The following MAP3K4 variants were observed in gnomAD, a reference collection of about 807,000 sequenced individuals.
MAP3K4 encodes the protein mitogen-activated protein kinase kinase kinase 4, also known as MAP three kinase 1.
MAP3K4 carries 67 observed loss-of-function variants against 185.6 expected under a neutral mutation model. The ratio of observed to expected loss-of-function variants is 0.36; its 90% confidence interval spans 0.30 to 0.44. The LOEUF (loss-of-function observed/expected upper bound fraction) is 0.44. Ranked by LOEUF, MAP3K4 falls within the 20% of genes least tolerant of loss-of-function variation. The probability of loss-of-function intolerance (pLI) is 1.00; values close to 1 mark genes in which losing one functional copy is unlikely to be tolerated. For missense variants in MAP3K4, 1,551 were observed against 1,995.1 expected, an observed-to-expected ratio of 0.78 and a Z score of 4.24; for synonymous variants, 702 against 710.4, an observed-to-expected ratio of 0.99 and a Z score of 0.19.
chr6:161,073,743 T>C lies in MAP3K4; in HGVS notation c.2097+131T>C. ...GATAAACTTCTCTAGTAATGAATTATAGAAATGATCCCTGAAAGTATAGCT... is the reference window on the plus strand; with the variant it reads ...GATAAACTTCTCTAGTAATGAATTACAGAAATGATCCCTGAAAGTATAGCT... On this transcript the variant is annotated intron_variant, in intron 5 of 26. Coordinates refer to ENST00000392142, the MANE Select transcript of MAP3K4 (RefSeq NM_005922.4). The surrounding 1 kb of genome is among the most constrained non-coding windows in gnomAD (Gnocchi z 4.2). 2.2e-6 allele frequency: 2 copies of C among 919,168 alleles called. No homozygotes were observed. The highest frequency in any genetic ancestry group is 3.1e-6 in the Non-Finnish European group (2 of 637,682). The allele number at this position is 919,168 out of a possible 1,614,324, so 56.9% of individuals were successfully genotyped here.
chr6:161,080,132 C>T lies in MAP3K4; in HGVS notation c.2098-749C>T, dbSNP rs776351578. On this transcript the variant is annotated intron_variant, in intron 5 of 26. Transcript: ENST00000392142. This position sits in a 1 kb window ranked among gnomAD's most constrained non-coding sequence, Gnocchi z 4.8. The stretch of plus-strand genomic sequence containing the variant: ...GAGTGGAGTGATGTCTGAAAAGTTC[C>T]GAGAGAGAATGTGTGACTCAAATAT... Among the ~76,000 whole-genome samples the T allele has an allele frequency of 2.0e-5, 3 of 152,030 alleles. No individual in the cohort carries two copies. The highest frequency in any genetic ancestry group is 4.4e-5 in the Non-Finnish European group (3 of 68,020).
At chr6:161,041,124 T>C (rs1783430394) in intron 2 of MAP3K4, among the ~76,000 whole-genome samples, 1 of 152,192 alleles carries the variant, frequency 6.6e-6, no homozygotes, top group African/African-American at 2.4e-5. Flanking sequence ...ACTGCTGCCC[T>C]GGAAGGAGGG....
rs1194616476 is a variant in MAP3K4, at chr6:161,116,415, A to G, written c.4807-435A>G. ...ATGAGAACAGAGCCCTGGAGAAAAG[A>G]GCCTTGCAAGGGCCCTGCAGGAGAG... On this transcript the variant is annotated intron_variant, in intron 26 of 26. Coordinates refer to ENST00000392142, the MANE Select transcript of MAP3K4 (RefSeq NM_005922.4). This position sits in a 1 kb window ranked among gnomAD's most constrained non-coding sequence, Gnocchi z 6.2. Among the ~76,000 whole-genome samples, 3 of 151,964 alleles carry G rather than the reference A, an allele frequency of 2.0e-5. No individual in the cohort carries two copies. The highest frequency in any genetic ancestry group is 4.4e-5 in the Non-Finnish European group (3 of 67,986).
Position 161,075,231 on chromosome 6 carries a change from T to G in MAP3K4, c.2097+1619T>G, listed in dbSNP as rs185735303. 4.9e-4 allele frequency among the ~76,000 whole-genome samples: 75 copies of G among 152,372 alleles called. 1 individual carries two copies. Among genetic ancestry groups the G allele is most frequent in the Non-Finnish European group, 8.4e-4 (57 of 68,038 alleles). On this transcript the variant is annotated intron_variant, in intron 5 of 26. Coordinates refer to ENST00000392142, the MANE Select transcript of MAP3K4 (RefSeq NM_005922.4). The surrounding 1 kb of genome is among the most constrained non-coding windows in gnomAD (Gnocchi z 4.3). The stretch of plus-strand genomic sequence containing the variant: ...ACGCAGTGGTGTGTTGACGGCTTCC[T>G]GTAGTCTCAACCTACTGGGCTCAAA...
chr6:161,103,771 G>C lies in MAP3K4; in HGVS notation c.3856+992G>C, dbSNP rs139490140. On this transcript the variant is annotated intron_variant, in intron 19 of 26. Coordinates refer to ENST00000392142, the MANE Select transcript of MAP3K4 (RefSeq NM_005922.4). The surrounding 1 kb of genome is among the most constrained non-coding windows in gnomAD (Gnocchi z 4.6). ...TCTGCTAGCCAGAATTGAGGAGAAA[G>C]TGGGCAGATTGGTTAAAATGCCATT... Among the ~76,000 whole-genome samples the C allele has an allele frequency of 4.5e-3, 684 of 152,292 alleles. 6 individuals are homozygous for C. Among genetic ancestry groups the C allele is most frequent in the African/African-American group, 0.016 (651 of 41,560 alleles).
At chr6:160,997,730 G>A (rs1421608136) in intron 1 of MAP3K4, among the ~76,000 whole-genome samples, 1 of 152,160 alleles carries the variant, frequency 6.6e-6, no homozygotes, top group African/African-American at 2.4e-5. Flanking sequence ...TTATTTGGGG[G>A]AATTCCTCTC....
chr6:161,112,441 A>C lies in MAP3K4; in HGVS notation c.4520-227A>C, dbSNP rs1315430433. ...AATTTTCTATTTTCATTGTGAATAC[A>C]ATTAATTTGAAAATGTGTACATTCA... On this transcript the variant is annotated intron_variant, in intron 24 of 26. Transcript: ENST00000392142. The surrounding 1 kb of genome is among the most constrained non-coding windows in gnomAD (Gnocchi z 5.1). Among the ~76,000 whole-genome samples the C allele has an allele frequency of 1.3e-5, 2 of 152,220 alleles. No homozygotes were observed. Among genetic ancestry groups the C allele is most frequent in the Admixed American group, 6.5e-5 (1 of 15,284 alleles).
At position 161,008,107 on chromosome 6, in the gene MAP3K4, G is replaced by A. The variant is rs955566999; in HGVS notation, c.152+16024G>A. On this transcript the variant is annotated intron_variant, in intron 1 of 26. Transcript: ENST00000392142. The surrounding 1 kb of genome is among the most constrained non-coding windows in gnomAD (Gnocchi z 4.1). ...AGTGGGATAGAGTGGAAAGTGGGAT[G>A]CAGTGATGATATTTATTATATAATA... Among the ~76,000 whole-genome samples, 1 of 152,154 alleles carries A rather than the reference G, an allele frequency of 6.6e-6. No individual in the cohort carries two copies. Among genetic ancestry groups the A allele is most frequent in the Non-Finnish European group, 1.5e-5 (1 of 68,020 alleles).
rs1186219859 is a variant in MAP3K4, at chr6:161,109,844, G to A, written c.4326G>A (p.Leu1442=). 1.2e-6 allele frequency: 2 copies of A among 1,614,152 alleles called. No homozygotes were observed. The highest frequency in any genetic ancestry group is 1.7e-5 in the Admixed American group (1 of 60,010). Residue 1442 remains leucine (L), a synonymous_variant, in exon 23 of 27, where the codon CTG becomes CTA. Transcript: ENST00000392142. The surrounding 1 kb of genome is among the most constrained non-coding windows in gnomAD (Gnocchi z 5.7). ...RLGLQEHVIR[L]YSKQITIAIN... ...GACTTCAGGAACATGTGATTAGGCTGTATTCAAAGCAGATCACCATTGCGA... is the reference window on the plus strand; with the variant it reads ...GACTTCAGGAACATGTGATTAGGCTATATTCAAAGCAGATCACCATTGCGA...
At chr6:160,994,979 GT>G (rs1780924413) in intron 1 of MAP3K4, among the ~76,000 whole-genome samples, 1 of 152,210 alleles carries the variant, frequency 6.6e-6, no homozygotes, top group Non-Finnish European at 1.5e-5. Flanking sequence ...GATTACAGGC[GT>G]GAGCCACTGC....
In MAP3K4 at chr6:161,109,919, T is replaced by TC; in HGVS notation, c.4396+8dup. The TC allele has an allele frequency of 6.2e-7, 1 of 1,613,348 alleles. No individual in the cohort carries two copies. The highest frequency in any genetic ancestry group is 1.1e-5 in the South Asian group (1 of 91,038). On this transcript the variant is annotated splice_donor_region_variant and intron_variant, in intron 23 of 26. Coordinates refer to ENST00000392142, the MANE Select transcript of MAP3K4 (RefSeq NM_005922.4). This position sits in a 1 kb window ranked among gnomAD's most constrained non-coding sequence, Gnocchi z 5.7. ...TAGTCCACCGTGACATTAAAGGTAA[T>TC]CCCACACCCGCCTGGCTGCTGTGGG...
At chr6:161,040,996 G>T (rs1039033698) in intron 2 of MAP3K4, among the ~76,000 whole-genome samples, 1 of 152,180 alleles carries the variant, frequency 6.6e-6, no homozygotes, top group African/African-American at 2.4e-5. Flanking sequence ...TGTCTTCCAC[G>T]GGCTGGCTTA....
Position 161,093,452 on chromosome 6 carries a change from A to G in MAP3K4, c.3349-321A>G, listed in dbSNP as rs781287809. Among the ~76,000 whole-genome samples the G allele has an allele frequency of 6.6e-6, 1 of 152,220 alleles. No individual in the cohort carries two copies. Among genetic ancestry groups the G allele is most frequent in the Non-Finnish European group, 1.5e-5 (1 of 68,038 alleles). On this transcript the variant is annotated intron_variant, in intron 14 of 26. Coordinates refer to ENST00000392142, the MANE Select transcript of MAP3K4 (RefSeq NM_005922.4). The surrounding 1 kb of genome is among the most constrained non-coding windows in gnomAD (Gnocchi z 5.2). The stretch of plus-strand genomic sequence containing the variant: ...GTCTGATAAGTGTCATCAGATTAGC[A>G]TGATATTGCTCAAAGTGTGAATTCA...
At chr6:161,028,904 C>T (rs1053993435) in intron 1 of MAP3K4, among the ~76,000 whole-genome samples, 19 of 152,136 alleles carry the variant, frequency 1.2e-4, no homozygotes, top group African/African-American at 1.7e-4. Context: ...TAAATTGACT[C>T]GTGTAATATG....
chr6:161,073,651 G>GT lies in MAP3K4; in HGVS notation c.2097+42dup. On this transcript the variant is annotated intron_variant, in intron 5 of 26. Coordinates refer to ENST00000392142, the MANE Select transcript of MAP3K4 (RefSeq NM_005922.4). This position sits in a 1 kb window ranked among gnomAD's most constrained non-coding sequence, Gnocchi z 4.2. The stretch of plus-strand genomic sequence containing the variant: ...GGGAGGAATTTTTCTTTCTTTCTTT[G>GT]TTTCTTTTTTTAAAAAAGTAAGCCT... The GT allele has an allele frequency of 6.3e-7, 1 of 1,583,902 alleles. No homozygotes were observed. The highest frequency in any genetic ancestry group is 8.6e-7 in the Non-Finnish European group (1 of 1,165,718).
intron 1 of MAP3K4, among the ~76,000 whole-genome samples, chr6:161,000,127 T>C (rs917482105): frequency 6.6e-6 from 1 of 152,188 alleles, no homozygotes; most frequent in African/African-American, 2.4e-5. Flanking sequence ...TGTGTGTGCC[T>C]TATAACCAAA....
chr6:161,010,902 T>G (rs540770915), intron 1 of MAP3K4, among the ~76,000 whole-genome samples: 1 of 152,284 alleles, frequency 6.6e-6, no homozygotes, highest in Non-Finnish European at 1.5e-5. Context: ...TTGATGTCTT[T>G]TATTCCTCTG....
At chr6:160,992,333 T>C in intron 1 of MAP3K4, 1 of 526,250 alleles carries the variant, frequency 1.9e-6, no homozygotes, top group Non-Finnish European at 3.3e-6. Flanking sequence ...TCCCCTTCCC[T>C]TGTAGACTCC....
intron 2 of MAP3K4, among the ~76,000 whole-genome samples, chr6:161,046,370 T>G (rs1783728777): frequency 6.6e-6 from 1 of 152,118 alleles, no homozygotes; most frequent in South Asian, 2.1e-4. Flanking sequence ...CTAAGCAATT[T>G]TTTTATATAA....
Sources: allele counts gnomAD v4.1 joint callset (sites outside exome capture counted in the v4.1 genomes callset), GRCh38; gene constraint gnomAD v4.1.1; non-coding constraint Gnocchi (gnomAD v3.1); transcripts MANE v1.5; gene names NCBI Gene and HGNC (gene_info 2026-07-23, HGNC 2026-07-21).